Variants in SRP19 observed in about 807,000 individuals in gnomAD.
The protein encoded by SRP19 is signal recognition particle 19 kDa protein.
In SRP19, 11 loss-of-function variants were observed where a neutral mutation model predicts 22.4. That is an observed-to-expected ratio of 0.49 (90% CI 0.31 to 0.81). The LOEUF is 0.81. Among genes scored for constraint, SRP19 ranks in the 40% least tolerant of loss-of-function variants. The pLI is 0.05. For missense variants in SRP19, 168 were observed against 175.9 expected, an observed-to-expected ratio of 0.96 and a Z score of 0.25; for synonymous variants, 61 against 57.6, an observed-to-expected ratio of 1.06 and a Z score of -0.27.
At chr5:112,864,165 C>T (rs1414850346) in intron 2 of SRP19, among the ~76,000 whole-genome samples, 1 of 152,182 alleles carries the variant, frequency 6.6e-6, no homozygotes, top group African/African-American at 2.4e-5. Flanking sequence ...CATTGAGCAC[C>T]TACTATGTTG....
chr5:112,874,315 A>G (rs74294432), downstream of SRP19, among the ~76,000 whole-genome samples: 5,426 of 152,234 alleles, frequency 0.036, 235 homozygotes, highest in East Asian at 0.16. Context: ...TCTTGTCCTC[A>G]TTACTAGTTT....
rs182112652 is a variant in SRP19 at position 112,879,348 on chromosome 5, G to A, written c.302-12255G>A. ...TTTGGGGGGGGGGGCTGGGGGGGCG[G>A]TGGGGGAGAGGAGATTAGTTCCAGG... On this transcript the variant is annotated intron_variant, in intron 4 of 4. Coordinates refer to the SRP19 transcript ENST00000391338. 4.2e-3 allele frequency among the ~76,000 whole-genome samples: 616 copies of A among 146,902 alleles called. 9 individuals carry two copies. The highest frequency in any genetic ancestry group is 0.015 in the African/African-American group (600 of 40,134).
downstream of SRP19, chr5:112,895,174 G>A (rs1255073377): frequency 6.9e-6 from 1 of 145,952 alleles, no homozygotes; most frequent in Non-Finnish European, 1.5e-5. Flanking sequence ...AGGAGGCGGA[G>A]GTTACAGTGA....
At chr5:112,886,168 C>A (rs895409026) in intron 4 of SRP19, among the ~76,000 whole-genome samples, 3 of 152,212 alleles carry the variant, frequency 2.0e-5, no homozygotes, top group Admixed American at 6.5e-5. Context: ...AGCAGAGAAG[C>A]CTGCCTGCGC....
At chr5:112,885,800 G>A in intron 4 of SRP19, 1 of 226,518 alleles carries the variant, frequency 4.4e-6, no homozygotes, top group Non-Finnish European at 9.3e-6. Flanking sequence ...AGAGAGCCAA[G>A]CTAATGCGGT....
In SRP19 at chr5:112,868,562, G is replaced by C. The variant is rs112854231; in HGVS notation, c.*1025G>C. 7,169 of 190,798 alleles carry C rather than the reference G, an allele frequency of 0.038. 569 individuals are homozygous for C. Among genetic ancestry groups the C allele is most frequent in the African/African-American group, 0.16 (6,842 of 42,184 alleles). The allele number at this position is 190,798 out of a possible 1,614,324, so 11.8% of individuals were successfully genotyped here. A position where few individuals can be genotyped will look rare whatever the true frequency, so the allele number is the denominator to read the frequency against. On this transcript the variant is annotated 3_prime_UTR_variant, in exon 5 of 5. Transcript: ENST00000505459. ...ATTACAGGCATGTGCCACCACACCC[G>C]GCTAATTTTGTATTTTTAGTAGAGA...
At chr5:112,883,105 A>T (rs1768127505) in intron 4 of SRP19, among the ~76,000 whole-genome samples, 1 of 152,240 alleles carries the variant, frequency 6.6e-6, no homozygotes. Flanking sequence ...ATTTTCAAAC[A>T]GGCTTTGTTT....
At chr5:112,878,923 C>T in intron 4 of SRP19, 25 of 1,598,122 alleles carry the variant, frequency 1.6e-5, no homozygotes, top group Non-Finnish European at 2.1e-5. Context: ...AATGTAGCTA[C>T]TAGATAACAA....
rs559199896 is a variant in SRP19 at position 112,880,801 on chromosome 5, G to A, written c.302-10802G>A. Among the ~76,000 whole-genome samples the A allele has an allele frequency of 6.6e-5, 10 of 152,288 alleles. No homozygotes were observed. The South Asian group carries it at 2.1e-3, about 32-fold the overall frequency. On this transcript the variant is annotated intron_variant, in intron 4 of 4. Coordinates refer to the SRP19 transcript ENST00000391338. ...ACCACAGGTTGCTGATTAGGCTAAG[G>A]GAAGGGAGAAGAAAAGAAAGCTCTT...
At chr5:112,880,452 TGA>T (rs1007044677) in intron 4 of SRP19, among the ~76,000 whole-genome samples, 24 of 151,464 alleles carry the variant, frequency 1.6e-4, no homozygotes, top group African/African-American at 4.9e-4. Flanking sequence ...GCCTTAGTGA[TGA>T]GAGCCAAGGA....
intron 1 of SRP19, among the ~76,000 whole-genome samples, chr5:112,861,702 A>C (rs1352464984): frequency 1.3e-5 from 2 of 152,196 alleles, no homozygotes; most frequent in African/African-American, 4.8e-5. Flanking sequence ...AAGTAATATA[A>C]TCACAGTGTG....
Position 112,869,093 on chromosome 5 carries a change from AAAC to A in SRP19, c.*1559_*1561del, listed in dbSNP as rs1253012359. The A allele has an allele frequency of 1.3e-5, 2 of 152,220 alleles. No individual in the cohort carries two copies. Among genetic ancestry groups the A allele is most frequent in the African/African-American group, 4.8e-5 (2 of 41,462 alleles). The allele number at this position is 152,220 out of a possible 1,614,324, so 9.4% of individuals were successfully genotyped here. A position where few individuals can be genotyped will look rare whatever the true frequency, so the allele number is the denominator to read the frequency against. On this transcript the variant is annotated 3_prime_UTR_variant, in exon 5 of 5. Coordinates refer to ENST00000505459, the MANE Select transcript of SRP19 (RefSeq NM_003135.3). ...AAGGGGATGTGTTTGCTGTGTAACA[AAAC>A]AATGAAGGATTTAAGCAGGATATTT... is the stretch of plus-strand genomic sequence containing the variant.
At chr5:112,886,350 A>G (rs879801648) in intron 4 of SRP19, among the ~76,000 whole-genome samples, 1 of 152,202 alleles carries the variant, frequency 6.6e-6, no homozygotes, top group Non-Finnish European at 1.5e-5. Flanking sequence ...AAAGAGTGGT[A>G]GTTTGCCCTA....
At chr5:112,881,563 G>C (rs1446880119) in intron 4 of SRP19, among the ~76,000 whole-genome samples, 1 of 152,114 alleles carries the variant, frequency 6.6e-6, no homozygotes, top group East Asian at 1.9e-4. Flanking sequence ...AGTGGTGGCT[G>C]TTTCTTTCCT....
intron 4 of SRP19, chr5:112,877,358 T>C (rs1767929333): frequency 6.6e-6 from 1 of 152,250 alleles, no homozygotes; most frequent in East Asian, 1.9e-4. Flanking sequence ...AGTTTAGTTA[T>C]ACACTTGTTT....
At chr5:112,867,208 CATT>C (rs1486595230) in intron 4 of SRP19, among the ~76,000 whole-genome samples, 193 bp from the exon 5 acceptor site, 1 of 152,210 alleles carries the variant, frequency 6.6e-6, no homozygotes, top group East Asian at 1.9e-4. Context: ...ATATTTTCAG[CATT>C]ATTCTCACTC....
At chr5:112,882,750 AT>A in intron 4 of SRP19, among the ~76,000 whole-genome samples, 1 of 152,174 alleles carries the variant, frequency 6.6e-6, no homozygotes, top group African/African-American at 2.4e-5. Flanking sequence ...AATTTAAAAC[AT>A]TTGTTATCTG....
chr5:112,867,490 C>A lies in SRP19; in HGVS notation c.388C>A (p.Gln130Lys). ...AACAGGAGGTGCTGACCAAAGTCTT[C>A]AACAAGGAGAGGGAAGTAAAAAAGG... ...QKTGGADQSL[Q>K]QGEGSKKGKG... Residue 130 changes from glutamine (Q) to lysine (K), a missense_variant, in exon 5 of 5, where the codon CAA (glutamine) becomes AAA (lysine). Coordinates refer to ENST00000505459, the MANE Select transcript of SRP19 (RefSeq NM_003135.3). 1 of 1,613,190 alleles carries A rather than the reference C, an allele frequency of 6.2e-7. No homozygotes were observed. Among genetic ancestry groups the A allele is most frequent in the South Asian group, 1.1e-5 (1 of 91,006 alleles).
chr5:112,886,954 T>C (rs1050118823), intron 4 of SRP19: 4 of 1,288,660 alleles, frequency 3.1e-6, no homozygotes, highest in Admixed American at 2.0e-5. Context: ...AAGCCTGTTA[T>C]TTGAGCCCAG....
Sources: gnomAD v4.1 joint callset for allele counts (sites outside exome capture counted in the v4.1 genomes callset) on GRCh38, gnomAD v4.1.1 for gene constraint, MANE v1.5 for transcripts, NCBI Gene and HGNC (gene_info 2026-07-23, HGNC 2026-07-21) for gene names.